FAM174A: variants seen among roughly 807,000 people sequenced by gnomAD.
The protein encoded by FAM174A is membrane protein FAM174A.
FAM174A carries 14 observed loss-of-function variants against 14.3 expected under a neutral mutation model. That is an observed-to-expected ratio of 0.98 (90% CI 0.65 to 1.53). The LOEUF (loss-of-function observed/expected upper bound fraction) is 1.53, where lower values mean the gene tolerates loss of function less well. FAM174A is among the 40% of genes most tolerant of loss of function. The pLI, the probability that FAM174A is intolerant of heterozygous loss-of-function variation, is 0.00. For synonymous variants in FAM174A, 108 were observed against 111.4 expected, an observed-to-expected ratio of 0.97 and a Z score of 0.19; for missense variants, 241 against 249.6, an observed-to-expected ratio of 0.97 and a Z score of 0.23.
intron 2 of FAM174A, among the ~76,000 whole-genome samples, chr5:100,566,942 A>G (rs1351528147): frequency 6.6e-6 from 1 of 151,864 alleles, no homozygotes; most frequent in African/African-American, 2.4e-5. Context: ...GTAAGGTGAC[A>G]AAGAAGAAAA....
rs764143081 is a variant in FAM174A, at chr5:100,535,590, G to A, written c.60G>A (p.Leu20=). The part of the protein sequence containing the change: ...LSHLLASVLL[L]LLLPELSGPL... ...ACCTCTTGGCTTCCGTCCTCCTCCTGCTGTTGCTGCCTGAACTAAGCGGGC... is the reference window on the plus strand; with the variant it reads ...ACCTCTTGGCTTCCGTCCTCCTCCTACTGTTGCTGCCTGAACTAAGCGGGC... Residue 20 remains leucine, a synonymous_variant, in exon 1 of 3, where the codon CTG becomes CTA. Coordinates refer to ENST00000312637, the MANE Select transcript of FAM174A (RefSeq NM_198507.3). 1.1e-5 allele frequency: 17 copies of A among 1,613,158 alleles called. No homozygotes were observed. Among genetic ancestry groups the A allele is most frequent in the Admixed American group, 1.7e-5 (1 of 60,006 alleles).
At chr5:100,566,183 A>G (rs1194836490) in intron 2 of FAM174A, among the ~76,000 whole-genome samples, 4 of 110,626 alleles carry the variant, frequency 3.6e-5, no homozygotes, top group South Asian at 6.2e-4. Context: ...TACATATAAT[A>G]TATATAATTA....
At position 100,535,911 on chromosome 5, in the gene FAM174A, G is replaced by A; in HGVS notation, c.381G>A (p.Val127=). The A allele has an allele frequency of 6.2e-7, 1 of 1,611,144 alleles. No individual in the cohort carries two copies. Among genetic ancestry groups the A allele is most frequent in the South Asian group, 1.1e-5 (1 of 90,972 alleles). ...DKPMTQRALT[V]LMVVSGAVLV... ...CCATGACCCAGCGGGCCCTGACCGT[G>A]TTGATGGTGGTGAGCGGCGCGGTGC... The change falls in exon 1 of 3, where the codon GTG becomes GTA. Residue 127 remains valine (V), a synonymous_variant. Transcript: ENST00000312637.
At chr5:100,569,682 G>T (rs956216645) in intron 2 of FAM174A, among the ~76,000 whole-genome samples, 1 of 151,864 alleles carries the variant, frequency 6.6e-6, no homozygotes, top group African/African-American at 2.4e-5. Flanking sequence ...GAGCAAATTG[G>T]ATAGATTCAT....
chr5:100,544,605 G>T (rs1238214771), intron 1 of FAM174A, among the ~76,000 whole-genome samples: 1 of 152,220 alleles, frequency 6.6e-6, no homozygotes, highest in Non-Finnish European at 1.5e-5. Flanking sequence ...CTGCAATAAT[G>T]TAGTCATTTT....
At chr5:100,576,660 C>T (rs140827501) in intron 2 of FAM174A, among the ~76,000 whole-genome samples, 3 of 152,158 alleles carry the variant, frequency 2.0e-5, no homozygotes, top group East Asian at 1.9e-4. Context: ...AGCTAACCAC[C>T]GTTCCACCAA....
intron 1 of FAM174A, among the ~76,000 whole-genome samples, chr5:100,553,040 A>G (rs1375176581): frequency 6.6e-6 from 1 of 152,082 alleles, no homozygotes; most frequent in African/African-American, 2.4e-5. Context: ...TGTCTAGTAG[A>G]AAAGTGCATA....
In FAM174A at chr5:100,580,123, C is replaced by A. The variant is rs899143968; in HGVS notation, c.570-6058C>A. On this transcript the variant is annotated intron_variant, in intron 2 of 2. Transcript: ENST00000312637. Reference sequence around the variant, plus strand: ...ACACCAAAAATGCATATAATTCACTCAAAGTGACAACAATGCAAAGAGCTT... The same window carrying A: ...ACACCAAAAATGCATATAATTCACTAAAAGTGACAACAATGCAAAGAGCTT... Among the ~76,000 whole-genome samples the A allele has an allele frequency of 2.0e-5, 3 of 152,144 alleles. No homozygotes were observed. The East Asian group carries it at 5.8e-4, about 29-fold the overall frequency.
chr5:100,571,479 A>G (rs1158484281), intron 2 of FAM174A, among the ~76,000 whole-genome samples: 1 of 151,122 alleles, frequency 6.6e-6, no homozygotes, highest in East Asian at 1.9e-4. Context: ...AAATCAATTA[A>G]GTGGTGAATT....
chr5:100,560,256 A>C lies in FAM174A; in HGVS notation c.435-1798A>C, dbSNP rs184888975. Among the ~76,000 whole-genome samples, 3 of 152,114 alleles carry C rather than the reference A, an allele frequency of 2.0e-5. No homozygotes were observed. The East Asian group carries it at 5.8e-4, about 29-fold the overall frequency. ...TGGGTTTTTTATAGAGAAAGTTTAG[A>C]CCTCTGGTCTACATGGTGTGTGTGG... On this transcript the variant is annotated intron_variant, in intron 1 of 2. Coordinates refer to ENST00000312637, the MANE Select transcript of FAM174A (RefSeq NM_198507.3).
At chr5:100,537,922 T>C (rs1338597450) in intron 1 of FAM174A, among the ~76,000 whole-genome samples, 6 of 152,196 alleles carry the variant, frequency 3.9e-5, no homozygotes, top group Non-Finnish European at 8.8e-5. Flanking sequence ...TAAATACACA[T>C]ATTTATTACC....
At chr5:100,559,928 G>A (rs6863180) in intron 1 of FAM174A, among the ~76,000 whole-genome samples, 2,864 of 152,044 alleles carry the variant, frequency 0.019, 76 homozygotes, top group African/African-American at 0.063. Context: ...TTGATCGTCT[G>A]AAGCCTTCTT....
rs1011149361 is a variant in FAM174A at position 100,535,838 on chromosome 5, G to C, written c.308G>C (p.Gly103Ala). 1 of 1,611,762 alleles carries C rather than the reference G, an allele frequency of 6.2e-7. No homozygotes were observed. The highest frequency in any genetic ancestry group is 8.5e-7 in the Non-Finnish European group (1 of 1,179,874). The change falls in exon 1 of 3, where the codon GGC becomes GCC. Residue 103 changes from glycine to alanine, a missense_variant. By Grantham distance (60) the Gly-to-Ala change is moderately conservative (BLOSUM62 0). Coordinates refer to ENST00000312637, the MANE Select transcript of FAM174A (RefSeq NM_198507.3). ...GATCACGGAGGGAAGGCCGGGGAAG[G>C]CTCGGTGGGTGGCGGCCTTGCTGTG... ...TDDHGGKAGE[G>A]SVGGGLAVSP...
At chr5:100,566,828 T>A (rs369872382) in intron 2 of FAM174A, among the ~76,000 whole-genome samples, 63 of 151,982 alleles carry the variant, frequency 4.1e-4, no homozygotes, top group African/African-American at 1.4e-3. Context: ...CTATAGACCA[T>A]AAAAAGTCAT....
At chr5:100,551,102 G>A (rs1165738053) in intron 1 of FAM174A, among the ~76,000 whole-genome samples, 1 of 152,138 alleles carries the variant, frequency 6.6e-6, no homozygotes, top group Non-Finnish European at 1.5e-5. Context: ...AGCTATTTTA[G>A]TCAGCAGAGG....
intron 1 of FAM174A, among the ~76,000 whole-genome samples, chr5:100,547,202 A>G (rs1372678720): frequency 6.6e-6 from 1 of 152,042 alleles, no homozygotes; most frequent in African/African-American, 2.4e-5. Context: ...ATGGTAGAAA[A>G]CATGATTAAC....
chr5:100,539,673 G>A (rs978493340), intron 1 of FAM174A, among the ~76,000 whole-genome samples: 8 of 152,132 alleles, frequency 5.3e-5, no homozygotes, highest in African/African-American at 1.7e-4. Context: ...TTGCCCAAGC[G>A]TGCACATACA....
rs147143714 is a variant in FAM174A at position 100,558,032 on chromosome 5, C to T, written c.435-4022C>T. Among the ~76,000 whole-genome samples, 941 of 151,978 alleles carry T rather than the reference C, an allele frequency of 6.2e-3. 7 individuals are homozygous for T. The highest frequency in any genetic ancestry group is 0.021 in the African/African-American group (884 of 41,462). ...CTAGTTCTTTTAATTGTGATGTTAG[C>T]GTGTCAATTTTAGATCTTTCCTGCT... On this transcript the variant is annotated intron_variant, in intron 1 of 2. Coordinates refer to ENST00000312637, the MANE Select transcript of FAM174A (RefSeq NM_198507.3).
chr5:100,563,695 T>C (rs1746579875), intron 2 of FAM174A, among the ~76,000 whole-genome samples: 1 of 152,012 alleles, frequency 6.6e-6, no homozygotes, highest in Admixed American at 6.6e-5. Context: ...TTCACATTCT[T>C]CTCAAGTGCC....
Sources: gnomAD v4.1 joint callset for allele counts (sites outside exome capture counted in the v4.1 genomes callset) on GRCh38, gnomAD v4.1.1 for gene constraint, MANE v1.5 for transcripts, NCBI Gene and HGNC (gene_info 2026-07-23, HGNC 2026-07-21) for gene names.